SPOCK3: variants seen among roughly 807,000 people sequenced by gnomAD.
The protein encoded by SPOCK3 is SPARC (osteonectin), cwcv and kazal like domains proteoglycan 3, also known as testican-3.
A neutral mutation model predicts 56.6 loss-of-function variants in SPOCK3; 30 were observed. The observed-to-expected ratio is 0.53, with a 90% CI of 0.40 to 0.72. The LOEUF is 0.72. SPOCK3 is among the 30% of genes least tolerant of loss of function. SPOCK3 has a pLI of 0.00. For missense variants in SPOCK3, 527 were observed against 530.0 expected (o/e 0.99, Z 0.06); for synonymous variants, 196 against 183.3 (o/e 1.07, Z -0.56).
chr4:167,202,301 A>G (rs141372349), intron 2 of SPOCK3, among the ~76,000 whole-genome samples: 1 of 152,036 alleles, frequency 6.6e-6, no homozygotes, highest in African/African-American at 2.4e-5. Context: ...TGCAAATCAC[A>G]TAGGAATTTT....
intron 6 of SPOCK3, among the ~76,000 whole-genome samples, chr4:166,850,938 A>T (rs909915262): frequency 6.6e-6 from 1 of 152,142 alleles, no homozygotes; most frequent in Non-Finnish European, 1.5e-5. Flanking sequence ...CAAAGCAGCC[A>T]GGAAGCTCGA....
In SPOCK3 at chr4:167,167,410, G is replaced by T. The variant is rs1392887750; in HGVS notation, c.189+66575C>A. Among the ~76,000 whole-genome samples, 7 of 152,234 alleles carry T rather than the reference G, an allele frequency of 4.6e-5. No homozygotes were observed. In the East Asian group the frequency reaches 1.4e-3, roughly 29 times the overall value. ...CCTAATTATAAGACATGATTTAAAA[G>T]TTGGTATTTCTTTCTGCAAGTGCCT... On this transcript the variant is annotated intron_variant, in intron 2 of 10. Transcript: ENST00000357545.
chr4:167,177,565 GA>G (rs1731095940), intron 2 of SPOCK3, among the ~76,000 whole-genome samples: 4 of 152,074 alleles, frequency 2.6e-5, no homozygotes, highest in Non-Finnish European at 5.9e-5. Context: ...TTTTGGAAGA[GA>G]GCTCCAGAAG....
intron 4 of SPOCK3, among the ~76,000 whole-genome samples, chr4:166,973,559 T>C (rs941071504): frequency 5.3e-5 from 8 of 152,156 alleles, no homozygotes; most frequent in Non-Finnish European, 1.0e-4. Context: ...TTCTTAAACA[T>C]TATCAACTAA....
intron 5 of SPOCK3, among the ~76,000 whole-genome samples, chr4:166,907,811 T>C (rs893778114): frequency 1.3e-5 from 2 of 152,166 alleles, no homozygotes; most frequent in South Asian, 2.1e-4. Flanking sequence ...TAATGTTCAG[T>C]GCTGTAATAA....
intron 2 of SPOCK3, among the ~76,000 whole-genome samples, chr4:167,092,598 A>G (rs1758798667): frequency 6.6e-6 from 1 of 152,212 alleles, no homozygotes; most frequent in Non-Finnish European, 1.5e-5. Context: ...AATATAAATT[A>G]CCAGAATATC....
At chr4:167,038,442 T>A (rs1304239700) in intron 3 of SPOCK3, among the ~76,000 whole-genome samples, 1 of 152,174 alleles carries the variant, frequency 6.6e-6, no homozygotes, top group East Asian at 1.9e-4. Flanking sequence ...TGTTATATTT[T>A]CTAGCTAATC....
chr4:167,030,370 T>C (rs1752158001), intron 3 of SPOCK3, among the ~76,000 whole-genome samples: 1 of 152,128 alleles, frequency 6.6e-6, no homozygotes, highest in African/African-American at 2.4e-5. Context: ...CATATTTTGT[T>C]CAATTGCTTG....
chr4:166,795,621 T>G (rs1484357923), intron 6 of SPOCK3, among the ~76,000 whole-genome samples: 1 of 151,992 alleles, frequency 6.6e-6, no homozygotes, highest in East Asian at 1.9e-4. Context: ...CCATACACTT[T>G]CTGAAATTAA....
chr4:166,772,028 C>A (rs948379094), intron 7 of SPOCK3, among the ~76,000 whole-genome samples: 1 of 151,678 alleles, frequency 6.6e-6, no homozygotes, highest in Non-Finnish European at 1.5e-5. Context: ...TCCATAAAAC[C>A]GAAGATTTTG....
intron 3 of SPOCK3, among the ~76,000 whole-genome samples, chr4:167,009,974 C>A (rs920723667): frequency 6.6e-6 from 1 of 151,536 alleles, no homozygotes; most frequent in Non-Finnish European, 1.5e-5. Context: ...GATTAACAAC[C>A]CTAGCCTTCA....
chr4:166,903,635 T>C (rs1292495927), intron 5 of SPOCK3, among the ~76,000 whole-genome samples: 6 of 152,004 alleles, frequency 3.9e-5, no homozygotes, highest in African/African-American at 4.8e-5. Flanking sequence ...TATTTCCGGA[T>C]TGTAGTTATT....
chr4:167,114,935 A>G (rs1580341190), intron 2 of SPOCK3, among the ~76,000 whole-genome samples: 2 of 152,136 alleles, frequency 1.3e-5, no homozygotes, highest in African/African-American at 4.8e-5. Context: ...AAAAAACAAT[A>G]GAATCAGATG....
chr4:167,076,360 G>T (rs1011463704), intron 2 of SPOCK3, among the ~76,000 whole-genome samples: 5 of 151,740 alleles, frequency 3.3e-5, no homozygotes, highest in Non-Finnish European at 7.4e-5. Context: ...ACTCTGGTAG[G>T]GATGTTGATC....
intron 7 of SPOCK3, among the ~76,000 whole-genome samples, chr4:166,779,500 A>C (rs13110891): frequency 6.6e-6 from 1 of 152,094 alleles, no homozygotes; most frequent in Non-Finnish European, 1.5e-5. Context: ...AACAAAAAAA[A>C]CCTTTTAAAT....
At chr4:167,119,526 A>G (rs1352148227) in intron 2 of SPOCK3, among the ~76,000 whole-genome samples, 1 of 152,202 alleles carries the variant, frequency 6.6e-6, no homozygotes, top group Non-Finnish European at 1.5e-5. Context: ...AAAGGTTTAT[A>G]TCATCTCTTA....
chr4:166,868,490 TATAA>T (rs1732109024), intron 6 of SPOCK3, among the ~76,000 whole-genome samples: 1 of 151,848 alleles, frequency 6.6e-6, no homozygotes, highest in Non-Finnish European at 1.5e-5. Context: ...TTACAATGAG[TATAA>T]ATCTTACACT....
intron 5 of SPOCK3, among the ~76,000 whole-genome samples, chr4:166,899,939 T>C (rs933409236): frequency 1.3e-5 from 2 of 152,224 alleles, no homozygotes; most frequent in African/African-American, 4.8e-5. Flanking sequence ...TCTTATTGCA[T>C]TCTTTGGGTA....
chr4:166,859,609 C>T (rs1731033270), intron 6 of SPOCK3, among the ~76,000 whole-genome samples: 1 of 152,036 alleles, frequency 6.6e-6, no homozygotes, highest in Non-Finnish European at 1.5e-5. Flanking sequence ...AGTATATGAG[C>T]TTTCTTAGAA....
Sources: allele counts gnomAD v4.1 joint callset (sites outside exome capture counted in the v4.1 genomes callset), GRCh38; gene constraint gnomAD v4.1.1; transcripts MANE v1.5; gene names NCBI Gene and HGNC (gene_info 2026-07-23, HGNC 2026-07-21).